Variants in XPC observed in about 807,000 individuals in gnomAD.
The protein encoded by XPC is XPC complex subunit, DNA damage recognition and repair factor.
In XPC, 76 loss-of-function variants were observed where a neutral mutation model predicts 95.8. That is an observed-to-expected ratio of 0.79 (90% CI 0.66 to 0.96). The LOEUF (loss-of-function observed/expected upper bound fraction) is 0.96. Ranked by LOEUF, XPC falls within the 40% of genes least tolerant of loss-of-function variation. The pLI is 0.00. For synonymous variants in XPC, 442 were observed against 442.1 expected (o/e 1.00, Z 0.00); for missense variants, 1,146 against 1,179.8 (o/e 0.97, Z 0.42).
At chr3:14,152,274 C>T in intron 11 of XPC, 61 bp downstream of exon 11, 2 of 1,483,800 alleles carry the variant, frequency 1.3e-6, no homozygotes, top group Non-Finnish European at 1.9e-6. Flanking sequence ...GCCCCCAGCT[C>T]TCCCGCTCAG....
At chr3:14,152,763 A>C (rs3731146) in intron 10 of XPC, 55,056 of 221,584 alleles carry the variant, frequency 0.25, 7,163 homozygotes, top group African/African-American at 0.3. Flanking sequence ...GTGCGCAGGC[A>C]CACTCACGTT....
chr3:14,161,180 C>T (rs926785315), intron 7 of XPC, among the ~76,000 whole-genome samples: 1 of 152,132 alleles, frequency 6.6e-6, no homozygotes, highest in African/African-American at 2.4e-5. Context: ...AATAACAGAT[C>T]GAGTCAGAAC....
chr3:14,156,927 C>T lies in XPC; in HGVS notation c.1873-432G>A, dbSNP rs532322193. On this transcript the variant is annotated intron_variant, in intron 9 of 15. Transcript: ENST00000285021. Reference sequence around the variant, plus strand: ...GCGGTTCTCACCCTGCGACTTTTCTCTTCGTCCACTATGACAGTGTTCTCT... The same window carrying T: ...GCGGTTCTCACCCTGCGACTTTTCTTTTCGTCCACTATGACAGTGTTCTCT... Among the ~76,000 whole-genome samples the T allele has an allele frequency of 6.6e-5, 10 of 152,360 alleles. No individual in the cohort carries two copies. The East Asian group carries it at 1.7e-3, about 26-fold the overall frequency.
chr3:14,164,729 C>T, intron 7 of XPC, 84 bp downstream of exon 7: 1 of 1,437,084 alleles, frequency 7.0e-7, no homozygotes, highest in Non-Finnish European at 9.6e-7. Context: ...CGGTAACACA[C>T]CTGGAATGGC....
At chr3:14,165,705 T>A (rs1311043141) in intron 5 of XPC, 120 bp from the exon 6 acceptor site, 9 of 1,257,314 alleles carry the variant, frequency 7.2e-6, no homozygotes, top group Admixed American at 4.2e-5. Flanking sequence ...TTTCTACATA[T>A]AAGAAAGTAA....
At chr3:14,146,299 G>A (rs1354382781) in intron 15 of XPC, 140 bp from the exon 16 acceptor site, 5 of 789,210 alleles carry the variant, frequency 6.3e-6, no homozygotes, top group Non-Finnish European at 1.0e-5. Flanking sequence ...ACAGGGCAGG[G>A]AGAGAGCCCA....
In XPC at chr3:14,172,950, T is replaced by C. The variant is rs2125046003; in HGVS notation, c.216A>G (p.Lys72=). The change falls in exon 2 of 16, where the codon AAA becomes AAG. Residue 72 remains lysine, a synonymous_variant. Transcript: ENST00000285021. ...TAACAGTCACCTTGGCCACTTTCTT[T>C]TTTGCTGGACCATCTGCTGAACCCC... ...HPGGSADGPA[K]KKVAKVTVKS... is the part of the protein sequence containing the mutation. 6.2e-7 allele frequency: 1 copy of C among 1,613,990 alleles called. No homozygotes were observed. The highest frequency in any genetic ancestry group is 1.1e-5 in the South Asian group (1 of 91,082).
At position 14,178,547 on chromosome 3, in the gene XPC, C is replaced by A; in HGVS notation, c.22G>T (p.Gly8Cys). The A allele has an allele frequency of 6.2e-7, 1 of 1,613,086 alleles. No homozygotes were observed. The highest frequency in any genetic ancestry group is 8.5e-7 in the Non-Finnish European group (1 of 1,179,630). Residue 8 changes from glycine (G) to cysteine (C), a missense_variant, in exon 1 of 16, where the codon GGC (glycine) becomes TGC (cysteine). Gly to Cys is a radical substitution (Grantham distance 159). Coordinates refer to ENST00000285021, the MANE Select transcript of XPC (RefSeq NM_004628.5). ...AGTTCGCGTCCCCGCGGCTCCCCGCCGGCCGCGCGTTTCCGAGCCATGTTG... is the reference window on the plus strand; with the variant it reads ...AGTTCGCGTCCCCGCGGCTCCCCGCAGGCCGCGCGTTTCCGAGCCATGTTG... MARKRAA[G>C]GEPRGRELRS...
intron 7 of XPC, chr3:14,164,582 A>C: frequency 2.2e-6 from 1 of 460,370 alleles, no homozygotes; most frequent in Non-Finnish European, 3.8e-6. Flanking sequence ...GGAGGAAAGC[A>C]TACAGGCCCT....
Position 14,161,522 on chromosome 3 carries a change from T to A in XPC, c.901-1692A>T, listed in dbSNP as rs571858387. Among the ~76,000 whole-genome samples the A allele has an allele frequency of 3.4e-5, 5 of 144,996 alleles. No homozygotes were observed. The South Asian group carries it at 1.1e-3, about 31-fold the overall frequency. On this transcript the variant is annotated intron_variant, in intron 7 of 15. Coordinates refer to ENST00000285021, the MANE Select transcript of XPC (RefSeq NM_004628.5). ...GCAAGGATGGTTCAACATAAGAAAA[T>A]CAATCAATTAAATATACATTAATAG...
chr3:14,172,320 C>T (rs985679901), intron 2 of XPC, among the ~76,000 whole-genome samples: 2 of 152,080 alleles, frequency 1.3e-5, no homozygotes, highest in African/African-American at 4.8e-5. Context: ...TCCCTAGAAG[C>T]GCTACAGGAA....
At chr3:14,156,187 T>TCA in intron 10 of XPC, 148 bp downstream of exon 10, 14 of 962,798 alleles carry the variant, frequency 1.5e-5, no homozygotes, top group African/African-American at 1.7e-5. Context: ...CTCCTACACA[T>TCA]CACACACACA....
chr3:14,158,309 A>C lies in XPC; in HGVS notation c.1574T>G (p.Ile525Arg). 1 of 1,613,914 alleles carries C rather than the reference A, an allele frequency of 6.2e-7. No homozygotes were observed. The highest frequency in any genetic ancestry group is 8.5e-7 in the Non-Finnish European group (1 of 1,179,886). ...SDGEKAEKRS[I>R]AGIDQWLEVF... The stretch of plus-strand genomic sequence containing the variant: ...CTCTAGCCACTGGTCTATACCAGCT[A>C]TGCTTCTTTTTTCTGCCTTCTCACC... The change falls in exon 9 of 16, where the codon ATA (isoleucine) becomes AGA (arginine). Residue 525 changes from isoleucine to arginine, a missense_variant. Ile to Arg is a moderately conservative substitution (Grantham distance 97, BLOSUM62 -3). Transcript: ENST00000285021. The surrounding 1 kb of genome is among the most constrained non-coding windows in gnomAD (Gnocchi z 5.2).
At position 14,148,912 on chromosome 3, in the gene XPC, G is replaced by C; in HGVS notation, c.2152C>G (p.Arg718Gly). Residue 718 changes from arginine (R) to glycine (G), a missense_variant, in exon 12 of 16, where the codon CGA (arginine) becomes GGA (glycine). Transcript: ENST00000285021. ...KGFSNRARKARLAEPQLREEN... is the reference protein window; with the variant it reads ...KGFSNRARKAGLAEPQLREEN... ...TCCCGCAGCTGGGGCTCAGCAAGTC[G>C]GGCTTTCCGAGCACGGTTAGAAAAG... is the stretch of plus-strand genomic sequence containing the variant. The C allele has an allele frequency of 6.2e-7, 1 of 1,613,954 alleles. No homozygotes were observed. The highest frequency in any genetic ancestry group is 1.3e-5 in the African/African-American group (1 of 75,036).
Position 14,162,126 on chromosome 3 carries a change from A to T in XPC, c.901-2296T>A, listed in dbSNP as rs181730184. On this transcript the variant is annotated intron_variant, in intron 7 of 15. Transcript: ENST00000285021. Reference sequence around the variant, plus strand: ...AAGGCTGTACACTGAAAATTACAAAATACAGCTGAGAAATTAAAGACAAAA... The same window carrying T: ...AAGGCTGTACACTGAAAATTACAAATTACAGCTGAGAAATTAAAGACAAAA... Among the ~76,000 whole-genome samples the T allele has an allele frequency of 4.5e-3, 685 of 152,332 alleles. 9 individuals carry two copies. The highest frequency in any genetic ancestry group is 0.016 in the African/African-American group (646 of 41,584).
rs1574961675 is a variant in XPC at position 14,158,259 on chromosome 3, A to C, written c.1624T>G (p.Trp542Gly). Residue 542 changes from tryptophan to glycine, a missense_variant, in exon 9 of 16, where the codon TGG becomes GGG. Transcript: ENST00000285021. This position sits in a 1 kb window ranked among gnomAD's most constrained non-coding sequence, Gnocchi z 5.2. Reference protein sequence around the residue: ...LEVFCEQEEKWVCVDCVHGVV... With the variant: ...LEVFCEQEEKGVCVDCVHGVV... ...CCGTGCACACAGTCTACACATACCC[A>C]CTTTTCCTCCTGCTCACAGAACACC... The C allele has an allele frequency of 6.2e-7, 1 of 1,613,910 alleles. No homozygotes were observed. Among genetic ancestry groups the C allele is most frequent in the Non-Finnish European group, 8.5e-7 (1 of 1,179,868 alleles).
rs1243357836 is a variant in XPC at position 14,148,505 on chromosome 3, CTG to C, written c.2420+55_2420+56del. On this transcript the variant is annotated intron_variant, in intron 13 of 15. Coordinates refer to ENST00000285021, the MANE Select transcript of XPC (RefSeq NM_004628.5). ...CCATGCCAGCTTTCCATCCCCATCT[CTG>C]GAGCCACCCCTCCCCATCCCTGTGT... 7 of 1,592,238 alleles carry C rather than the reference CTG, an allele frequency of 4.4e-6. No individual in the cohort carries two copies. In the Admixed American group the frequency reaches 1.3e-4, roughly 29 times the overall value.
chr3:14,161,595 A>T (rs2125030727), intron 7 of XPC, among the ~76,000 whole-genome samples: 1 of 151,330 alleles, frequency 6.6e-6, no homozygotes, highest in East Asian at 1.9e-4. Context: ...ACAAAGAAAA[A>T]CGCACCTGAG....
intron 8 of XPC, among the ~76,000 whole-genome samples, chr3:14,159,477 C>A (rs879429746): frequency 2.0e-5 from 3 of 152,100 alleles, no homozygotes; most frequent in Admixed American, 2.0e-4. Flanking sequence ...CAAGGACAGG[C>A]ACCATTCCAC....
Sources: gnomAD v4.1 joint callset for allele counts (sites outside exome capture counted in the v4.1 genomes callset) on GRCh38, gnomAD v4.1.1 for gene constraint, Gnocchi (gnomAD v3.1) non-coding constraint, MANE v1.5 for transcripts, NCBI Gene and HGNC (gene_info 2026-07-23, HGNC 2026-07-21) for gene names.